Variants in UGT2B7 observed in about 807,000 individuals in gnomAD.
The protein encoded by UGT2B7 is UDP-glucuronosyltransferase 2B7.
UGT2B7 carries 51 observed loss-of-function variants against 51.9 expected under a neutral mutation model. The observed-to-expected ratio is 0.98, with a 90% CI of 0.78 to 1.24. The LOEUF is 1.24. UGT2B7 is among the 50% of genes most tolerant of loss of function. The pLI, the probability that UGT2B7 is intolerant of heterozygous loss-of-function variation, is 0.00. For missense variants in UGT2B7, 727 were observed against 628.4 expected (o/e 1.16, Z -1.68); for synonymous variants, 225 against 211.6 (o/e 1.06, Z -0.55).
chr4:69,108,668 C>T (rs527964973), intron 5 of UGT2B7, among the ~76,000 whole-genome samples: 1 of 151,912 alleles, frequency 6.6e-6, no homozygotes, highest in African/African-American at 2.4e-5. Context: ...AATTAGATAT[C>T]TAAAACACCT....
intron 1 of UGT2B7, among the ~76,000 whole-genome samples, chr4:69,070,825 C>T (rs1016801615): frequency 2.9e-4 from 44 of 152,196 alleles, no homozygotes; most frequent in African/African-American, 1.1e-3. Context: ...CACATATAAG[C>T]TGGACTAAAC....
At chr4:69,095,477 C>T (rs1030729334), upstream of UGT2B7, among the ~76,000 whole-genome samples, 2 of 152,088 alleles carry the variant, frequency 1.3e-5, no homozygotes, top group African/African-American at 4.8e-5. Flanking sequence ...GTATGCTGGA[C>T]CTGAAGGAAT....
chr4:69,069,918 T>A (rs1718564978), intron 1 of UGT2B7: 1 of 152,110 alleles, frequency 6.6e-6, no homozygotes, highest in Non-Finnish European at 1.5e-5. Flanking sequence ...CAGGCAGGCA[T>A]GATACAGAAA....
chr4:69,063,507 G>A (rs1229819674), intron 1 of UGT2B7, among the ~76,000 whole-genome samples: 6 of 151,954 alleles, frequency 3.9e-5, no homozygotes, highest in African/African-American at 4.8e-5. Flanking sequence ...AGACTTGCTG[G>A]CCCAGCAAGC....
At position 69,112,642 on chromosome 4, in the gene UGT2B7, T is replaced by C. The variant is rs912849295; in HGVS notation, c.1496T>C (p.Val499Ala). The C allele has an allele frequency of 1.1e-5, 18 of 1,613,818 alleles. No individual in the cohort carries two copies. In the African/African-American group the frequency reaches 2.1e-4, roughly 19 times the overall value. ...TTGGATGTGATTGGGTTCCTGCTGG[T>C]CTGTGTGGCAACTGTGATATTTATC... is the stretch of plus-strand genomic sequence containing the variant. ...HSLDVIGFLLVCVATVIFIVT... is the reference protein window; with the variant it reads ...HSLDVIGFLLACVATVIFIVT... The change falls in exon 6 of 6, where the codon GTC becomes GCC. Residue 499 changes from valine to alanine, a missense_variant. By Grantham distance (64) the Val-to-Ala change is moderately conservative. Coordinates refer to ENST00000305231, the MANE Select transcript of UGT2B7 (RefSeq NM_001074.4).
chr4:69,066,786 C>G (rs1188663036), intron 1 of UGT2B7, among the ~76,000 whole-genome samples: 2 of 151,996 alleles, frequency 1.3e-5, no homozygotes, highest in Admixed American at 6.6e-5. Flanking sequence ...TGTCTGTCTC[C>G]TAATTCAATC....
chr4:69,107,275 T>A lies in UGT2B7; in HGVS notation c.1090+13T>A, dbSNP rs750839723. 4 of 1,594,776 alleles carry A rather than the reference T, an allele frequency of 2.5e-6. No homozygotes were observed. Among genetic ancestry groups the A allele is most frequent in the Admixed American group, 3.4e-5 (2 of 58,040 alleles). On this transcript the variant is annotated intron_variant, in intron 4 of 5. Coordinates refer to ENST00000305231, the MANE Select transcript of UGT2B7 (RefSeq NM_001074.4). Reference sequence around the variant, plus strand: ...AATGACCTTCTAGGTAAGACTCTGGTGAACAAATACTGAATATATTAGTAA... The same window carrying A: ...AATGACCTTCTAGGTAAGACTCTGGAGAACAAATACTGAATATATTAGTAA...
At chr4:69,055,172 C>CTAT (rs1248136859) in intron 1 of UGT2B7, among the ~76,000 whole-genome samples, 9 of 143,352 alleles carry the variant, frequency 6.3e-5, no homozygotes, top group African/African-American at 2.3e-4. Context: ...ACTTGTGCTG[C>CTAT]TATTAATAGT....
At chr4:69,097,386 C>G (rs1229187672) in intron 1 of UGT2B7, 145 bp downstream of exon 1, 1 of 1,025,134 alleles carries the variant, frequency 9.8e-7, no homozygotes, top group Non-Finnish European at 1.4e-6. Flanking sequence ...CTATTAATCT[C>G]ACAAATATTA....
At chr4:69,061,843 T>A (rs966652555) in intron 1 of UGT2B7, among the ~76,000 whole-genome samples, 1 of 152,132 alleles carries the variant, frequency 6.6e-6, no homozygotes, top group African/African-American at 2.4e-5. Flanking sequence ...CTTATGGACT[T>A]CTCCGAATTG....
In UGT2B7 at chr4:69,112,677, T is replaced by C; in HGVS notation, c.1531T>C (p.Cys511Arg). 6.2e-7 allele frequency: 1 copy of C among 1,613,846 alleles called. No individual in the cohort carries two copies. Among genetic ancestry groups the C allele is most frequent in the Non-Finnish European group, 8.5e-7 (1 of 1,179,838 alleles). Residue 511 changes from cysteine (C) to arginine (R), a missense_variant, in exon 6 of 6, where the codon TGT becomes CGT. Physicochemically the swap from Cys to Arg is radical, Grantham distance 180 (BLOSUM62 -3). Coordinates refer to ENST00000305231, the MANE Select transcript of UGT2B7 (RefSeq NM_001074.4). ...AACTGTGATATTTATCGTCACAAAA[T>C]GTTGTCTGTTTTGTTTCTGGAAGTT... ...VATVIFIVTK[C>R]CLFCFWKFAR...
At chr4:69,104,425 G>A (rs572829231) in intron 3 of UGT2B7, among the ~76,000 whole-genome samples, 9 of 151,964 alleles carry the variant, frequency 5.9e-5, no homozygotes, top group South Asian at 2.1e-4. Context: ...AAATATTCCC[G>A]TATGGTTAGT....
At chr4:69,106,411 T>C (rs1479020825) in intron 3 of UGT2B7, among the ~76,000 whole-genome samples, 1 of 152,172 alleles carries the variant, frequency 6.6e-6, no homozygotes, top group African/African-American at 2.4e-5. Flanking sequence ...TCCATCCATA[T>C]CCCTGCAAAA....
At chr4:69,064,032 G>GAAAGACAGAAAGAAAGA (rs1718417513) in intron 1 of UGT2B7, among the ~76,000 whole-genome samples, 2 of 69,936 alleles carry the variant, frequency 2.9e-5, no homozygotes, top group African/African-American at 1.7e-4. Context: ...AAGAAAGAAA[G>GAAAGACAGAAAGAAAGA]AAAGAAAGAA....
intron 2 of UGT2B7, among the ~76,000 whole-genome samples, chr4:69,090,488 A>G (rs1233363874): frequency 2.6e-5 from 4 of 151,926 alleles, no homozygotes; most frequent in African/African-American, 9.7e-5. Context: ...AAATTAATAT[A>G]TAAAATCAAG....
intron 1 of UGT2B7, chr4:69,089,464 C>T (rs1370799846): frequency 6.6e-6 from 1 of 152,080 alleles, no homozygotes; most frequent in African/African-American, 2.4e-5. Flanking sequence ...AAATTATTTT[C>T]TTTGTAGGAA....
chr4:69,098,617 CCA>C lies in UGT2B7; in HGVS notation c.800_801del (p.Pro267LeufsTer8). The C allele has an allele frequency of 6.2e-7, 1 of 1,612,492 alleles. No individual in the cohort carries two copies. The highest frequency in any genetic ancestry group is 1.7e-5 in the Admixed American group (1 of 59,892). On this transcript the variant is annotated frameshift_variant, in exon 2 of 6. Transcript: ENST00000305231. LOFTEE classifies it high-confidence loss of function. ...TCGAAACTCCTGGAATTTTCAGTTTCCATATCCACTCTTACCAAATGTTGATT... is the reference window on the plus strand; with the variant it reads ...TCGAAACTCCTGGAATTTTCAGTTTCTATCCACTCTTACCAAATGTTGATT... The part of the protein sequence containing the change: ...LIRNSWNFQF[P>X]YPLLPNVDFV...
intron 1 of UGT2B7, among the ~76,000 whole-genome samples, chr4:69,076,859 T>C (rs1718718873): frequency 6.6e-6 from 1 of 152,226 alleles, no homozygotes; most frequent in Non-Finnish European, 1.5e-5. Context: ...TCTTTGCCCA[T>C]GCCTATGTCC....
chr4:69,056,072 T>G (rs1465149831), intron 1 of UGT2B7, among the ~76,000 whole-genome samples: 2 of 151,772 alleles, frequency 1.3e-5, no homozygotes, highest in African/African-American at 4.8e-5. Flanking sequence ...AGTGGAGAGG[T>G]AGCTGTGCAA....
Sources: gnomAD v4.1 joint callset for allele counts (sites outside exome capture counted in the v4.1 genomes callset) on GRCh38, gnomAD v4.1.1 for gene constraint, MANE v1.5 for transcripts, NCBI Gene and HGNC (gene_info 2026-07-23, HGNC 2026-07-21) for gene names.